SP7: variants seen among roughly 807,000 people sequenced by gnomAD.
SP7 encodes the protein transcription factor Sp7.
SP7 carries 13 observed loss-of-function variants against 27.9 expected under a neutral mutation model. The observed-to-expected ratio is 0.47, with a 90% CI of 0.30 to 0.74. SP7 has a LOEUF of 0.74. Ranked by LOEUF, SP7 falls within the 30% of genes least tolerant of loss-of-function variation. The pLI, the probability that SP7 is intolerant of heterozygous loss-of-function variation, is 0.06. For missense variants in SP7, 525 were observed against 558.0 expected (o/e 0.94, Z 0.60); for synonymous variants, 219 against 226.7 (o/e 0.97, Z 0.31).
At chr12:53,330,442 C>T (rs1190727992) in intron 2 of SP7, among the ~76,000 whole-genome samples, 1 of 152,216 alleles carries the variant, frequency 6.6e-6, no homozygotes, top group Admixed American at 6.5e-5. Flanking sequence ...TAGCCTCAAA[C>T]TTCTTTCTGG....
At chr12:53,334,684 T>G (rs984055856) in intron 2 of SP7, among the ~76,000 whole-genome samples, 1 of 152,166 alleles carries the variant, frequency 6.6e-6, no homozygotes. Context: ...AGGAACAGTG[T>G]CAGAGACCCA....
rs1388216333 is a variant in SP7, at chr12:53,328,139, A to C, written c.*7T>G. 6.2e-7 allele frequency: 1 copy of C among 1,603,742 alleles called. No homozygotes were observed. The highest frequency in any genetic ancestry group is 1.1e-5 in the South Asian group (1 of 89,492). On this transcript the variant is annotated 3_prime_UTR_variant, in exon 3 of 3. Coordinates refer to ENST00000536324, the MANE Select transcript of SP7 (RefSeq NM_001173467.3). The surrounding 1 kb of genome is among the most constrained non-coding windows in gnomAD (Gnocchi z 5.1). Reference sequence around the variant, plus strand: ...GCAGCCCTGGGGTGGGAGACCTTCCACCCGGCTCAGATCTCCAGCAAGTTG... The same window carrying C: ...GCAGCCCTGGGGTGGGAGACCTTCCCCCCGGCTCAGATCTCCAGCAAGTTG...
chr12:53,335,709 G>A lies in SP7; in HGVS notation c.-47-16C>T, dbSNP rs905993410. 1.1e-5 allele frequency: 15 copies of A among 1,396,972 alleles called. No individual in the cohort carries two copies. The highest frequency in any genetic ancestry group is 1.5e-5 in the African/African-American group (1 of 67,422). The allele number at this position is 1,396,972 out of a possible 1,614,324, so 86.5% of individuals were successfully genotyped here. A position where few individuals can be genotyped will look rare whatever the true frequency, so the allele number is the denominator to read the frequency against. On this transcript the variant is annotated splice_polypyrimidine_tract_variant and intron_variant, in intron 1 of 2. Transcript: ENST00000536324. ...ATGGAGAGAGCTGAGCCGGGGGGTG[G>A]GGGGGGTAGAGAGAGAAAAGGGAGA...
chr12:53,338,952 C>T (rs1381088324), upstream of SP7, among the ~76,000 whole-genome samples: 1 of 152,174 alleles, frequency 6.6e-6, no homozygotes, highest in Non-Finnish European at 1.5e-5. Context: ...GTCTCCTTCC[C>T]AGTGCCCTGA....
chr12:53,326,853 TAGCTCTTTA>T lies in SP7; in HGVS notation c.*1284_*1292del, dbSNP rs934956606. 8 of 152,376 alleles carry T rather than the reference TAGCTCTTTA, an allele frequency of 5.3e-5. No individual in the cohort carries two copies. The highest frequency in any genetic ancestry group is 3.3e-4 in the Admixed American group (5 of 15,290). The allele number at this position is 152,376 out of a possible 1,614,324, so 9.4% of individuals were successfully genotyped here. ...ATCAGCTTGGGGGCCTCTGTCCTCC[TAGCTCTTTA>T]AGTTCTTTCTCAGGGCTTCTAGGCA... On this transcript the variant is annotated 3_prime_UTR_variant, in exon 3 of 3. Transcript: ENST00000536324.
chr12:53,334,364 A>T (rs1430319681), intron 2 of SP7, among the ~76,000 whole-genome samples: 3 of 133,408 alleles, frequency 2.2e-5, no homozygotes, highest in Non-Finnish European at 3.5e-5. Flanking sequence ...ACACACACAC[A>T]CACACACACA....
chr12:53,335,785 C>T lies in SP7; in HGVS notation c.-47-92G>A, dbSNP rs1944763392. 13 of 1,364,488 alleles carry T rather than the reference C, an allele frequency of 9.5e-6. No individual in the cohort carries two copies. In the South Asian group the frequency reaches 1.9e-4, roughly 20 times the overall value. The allele number at this position is 1,364,488 out of a possible 1,614,324, so 84.5% of individuals were successfully genotyped here. ...AGAAGAGATCTAAAGTTAGAAGGGACCGGGGTGGGGGGCTGCTCTCTGTCT... is the reference window on the plus strand; with the variant it reads ...AGAAGAGATCTAAAGTTAGAAGGGATCGGGGTGGGGGGCTGCTCTCTGTCT... On this transcript the variant is annotated intron_variant, in intron 1 of 2. Coordinates refer to ENST00000536324, the MANE Select transcript of SP7 (RefSeq NM_001173467.3).
At position 53,335,702 on chromosome 12, in the gene SP7, GGGGGT is replaced by G; in HGVS notation, c.-47-14_-47-10del. ...CAGGCAGATGGAGAGAGCTGAGCCGGGGGGTGGGGGGGGTAGAGAGAGAAAAGGGA... is the reference window on the plus strand; with the variant it reads ...CAGGCAGATGGAGAGAGCTGAGCCGGGGGGGGGGTAGAGAGAGAAAAGGGA... On this transcript the variant is annotated splice_polypyrimidine_tract_variant and intron_variant, in intron 1 of 2. Coordinates refer to ENST00000536324, the MANE Select transcript of SP7 (RefSeq NM_001173467.3). The G allele has an allele frequency of 6.8e-7, 1 of 1,461,598 alleles. No homozygotes were observed. Among genetic ancestry groups the G allele is most frequent in the Non-Finnish European group, 9.2e-7 (1 of 1,092,426 alleles). 90.5% of individuals were successfully genotyped at this position (1,461,598 alleles called of 1,614,324 possible).
At position 53,343,793 on chromosome 12, in the gene SP7, C is replaced by T. The variant is rs114726029; in HGVS notation, c.-34+1321G>A. Among the ~76,000 whole-genome samples the T allele has an allele frequency of 2.8e-3, 429 of 152,226 alleles. 4 individuals are homozygous for T. Among genetic ancestry groups the T allele is most frequent in the African/African-American group, 9.8e-3 (407 of 41,544 alleles). ...GAGGGGGCCAGCACGGTGGCACATA[C>T]CAGCACTTTGAAAGGCCAAGGCGGG... On this transcript the variant is annotated intron_variant, in intron 1 of 1. Transcript: ENST00000547755.
Position 53,329,289 on chromosome 12 carries a change from G to A in SP7, c.153C>T (p.Gly51=), listed in dbSNP as rs537955810. The change falls in exon 3 of 3, where the codon GGC becomes GGT. Residue 51 remains glycine (G), a synonymous_variant. Transcript: ENST00000536324. ...KAGTKKPYSV[G]SDLSASKTMG... ...TGGTTTTGGAGGCTGAAAGGTCACT[G>A]CCCACAGAGTACGGCTTCTTTGTGC... 4 of 1,613,898 alleles carry A rather than the reference G, an allele frequency of 2.5e-6. No individual in the cohort carries two copies. In the African/African-American group the frequency reaches 5.3e-5, roughly 22 times the overall value.
chr12:53,328,123 G>T lies in SP7; in HGVS notation c.*23C>A. 6.3e-7 allele frequency: 1 copy of T among 1,583,544 alleles called. No individual in the cohort carries two copies. Among genetic ancestry groups the T allele is most frequent in the Non-Finnish European group, 8.6e-7 (1 of 1,166,076 alleles). On this transcript the variant is annotated 3_prime_UTR_variant, in exon 3 of 3. Coordinates refer to ENST00000536324, the MANE Select transcript of SP7 (RefSeq NM_001173467.3). This position sits in a 1 kb window ranked among gnomAD's most constrained non-coding sequence, Gnocchi z 5.1. Reference sequence around the variant, plus strand: ...AAGAGAGACTGTCAGGGCAGCCCTGGGGTGGGAGACCTTCCACCCGGCTCA... The same window carrying T: ...AAGAGAGACTGTCAGGGCAGCCCTGTGGTGGGAGACCTTCCACCCGGCTCA...
In SP7 at chr12:53,328,384, T is replaced by A; in HGVS notation, c.1058A>T (p.Lys353Met). 8 of 1,613,784 alleles carry A rather than the reference T, an allele frequency of 5.0e-6. No homozygotes were observed. The highest frequency in any genetic ancestry group is 5.9e-6 in the Non-Finnish European group (7 of 1,179,740). The change falls in exon 3 of 3, where the codon AAG (lysine) becomes ATG (methionine). Residue 353 changes from lysine (K) to methionine (M), a missense_variant. Lys to Met is a moderately conservative substitution (Grantham distance 95, BLOSUM62 -1). Coordinates refer to ENST00000536324, the MANE Select transcript of SP7 (RefSeq NM_001173467.3). The surrounding 1 kb of genome is among the most constrained non-coding windows in gnomAD (Gnocchi z 5.1). The part of the protein sequence containing the change: ...RHVRTHTREK[K>M]FTCLLCSKRF... ...CTTGGAGCAGAGCAGGCAGGTGAAC[T>A]TCTTCTCCCGGGTGTGAGTGCGCAC...
chr12:53,328,914 A>G lies in SP7; in HGVS notation c.528T>C (p.Asp176=), dbSNP rs753965254. 1 of 1,612,160 alleles carries G rather than the reference A, an allele frequency of 6.2e-7. No homozygotes were observed. The part of the protein sequence containing the change: ...NWLGGGQGQG[D]GLQGTLPTGP... ...CTGTGGGCAGTGTCCCTTGCAGCCC[A>G]TCACCCTGGCCCTGCCCACCACCTA... Residue 176 remains aspartate (D), a synonymous_variant, in exon 3 of 3, where the codon GAT becomes GAC. Coordinates refer to ENST00000536324, the MANE Select transcript of SP7 (RefSeq NM_001173467.3). The surrounding 1 kb of genome is among the most constrained non-coding windows in gnomAD (Gnocchi z 5.1).
At chr12:53,337,552 G>A (rs3847780), upstream of SP7, among the ~76,000 whole-genome samples, 76,762 of 151,914 alleles carry the variant, frequency 0.51, 20,265 homozygotes, top group East Asian at 0.76. Flanking sequence ...CCTGTCAGGG[G>A]AATAAAGCCC....
chr12:53,340,838 A>G (rs934407171), upstream of SP7, among the ~76,000 whole-genome samples: 9 of 152,192 alleles, frequency 5.9e-5, no homozygotes, highest in Non-Finnish European at 5.9e-5. Flanking sequence ...TACAGATGAG[A>G]GACCCTGAGG....
chr12:53,343,697 G>A (rs1405371246), intron 1 of SP7, among the ~76,000 whole-genome samples: 1 of 152,180 alleles, frequency 6.6e-6, no homozygotes, highest in African/African-American at 2.4e-5. Context: ...GAAACAATCT[G>A]TTGCAGCAGT....
chr12:53,335,623 TACCTC>T lies in SP7; in HGVS notation c.19_21+2del, dbSNP rs768602438. On this transcript the variant is annotated splice_donor_variant and coding_sequence_variant, in exon 2 of 3. Transcript: ENST00000536324. LOFTEE classifies it high-confidence loss of function. ...TTTCCTGGGGGGAAGAGGGGACAGT[TACCTC>T]AAGCAGGGAGGACGCCATCCTGAGG... 4.0e-6 allele frequency: 6 copies of T among 1,510,804 alleles called. No individual in the cohort carries two copies. In the African/African-American group the frequency reaches 5.8e-5, roughly 15 times the overall value. The allele number at this position is 1,510,804 out of a possible 1,614,324, so 93.6% of individuals were successfully genotyped here.
At chr12:53,337,889 G>C (rs182829784), upstream of SP7, among the ~76,000 whole-genome samples, 1 of 152,192 alleles carries the variant, frequency 6.6e-6, no homozygotes, top group East Asian at 1.9e-4. Flanking sequence ...GCAAATGAAA[G>C]AGTCCAAGAC....
chr12:53,339,671 G>T (rs774740557), upstream of SP7, among the ~76,000 whole-genome samples: 2 of 149,186 alleles, frequency 1.3e-5, no homozygotes, highest in African/African-American at 5.0e-5. Context: ...ATTGCAGTGA[G>T]CTGAGATCAT....
Sources: gnomAD v4.1 joint callset for allele counts (sites outside exome capture counted in the v4.1 genomes callset) on GRCh38, gnomAD v4.1.1 for gene constraint, Gnocchi (gnomAD v3.1) non-coding constraint, MANE v1.5 for transcripts, NCBI Gene and HGNC (gene_info 2026-07-23, HGNC 2026-07-21) for gene names.